SLC35F3: variants seen among roughly 807,000 people sequenced by gnomAD.
SLC35F3 encodes putative thiamine transporter SLC35F3.
SLC35F3 carries 25 observed loss-of-function variants against 49.9 expected under a neutral mutation model. The observed-to-expected ratio is 0.50, with a 90% CI of 0.37 to 0.70. The LOEUF is 0.70. Ranked by LOEUF, SLC35F3 falls within the 30% of genes least tolerant of loss-of-function variation. SLC35F3 has a pLI of 0.00. For missense variants in SLC35F3, 525 were observed against 639.8 expected (o/e 0.82, Z 1.94); for synonymous variants, 275 against 265.4 (o/e 1.04, Z -0.35).
intron 2 of SLC35F3, among the ~76,000 whole-genome samples, chr1:234,186,199 A>C (rs1666641479): frequency 1.3e-5 from 2 of 152,190 alleles, no homozygotes; most frequent in African/African-American, 4.8e-5. Context: ...TATCCCTGGC[A>C]CCTCATTTGA....
At chr1:234,069,005 A>G (rs1357726035) in intron 2 of SLC35F3, among the ~76,000 whole-genome samples, 1 of 125,104 alleles carries the variant, frequency 8.0e-6, no homozygotes, top group African/African-American at 3.2e-5. Context: ...ATAAAATTAT[A>G]TAATTTTACT....
intron 2 of SLC35F3, among the ~76,000 whole-genome samples, chr1:234,116,282 A>G (rs1475454980): frequency 1.3e-5 from 2 of 152,166 alleles, no homozygotes; most frequent in Non-Finnish European, 2.9e-5. Context: ...AAAGAGACCA[A>G]ATATTAGAAC....
Position 234,173,116 on chromosome 1 carries a change from T to G in SLC35F3, c.284-58301T>G, listed in dbSNP as rs1391658659. Among the ~76,000 whole-genome samples, 8 of 152,330 alleles carry G rather than the reference T, an allele frequency of 5.3e-5. No individual in the cohort carries two copies. The East Asian group carries it at 9.6e-4, about 18-fold the overall frequency. The stretch of plus-strand genomic sequence containing the variant: ...GTGCCCCCTTAACTAAGGGCTCTGA[T>G]AGCCAGCTGACCAAGGGGTAGAGTC... On this transcript the variant is annotated intron_variant, in intron 2 of 7. Coordinates refer to ENST00000366618, the MANE Select transcript of SLC35F3 (RefSeq NM_173508.4).
chr1:234,140,197 C>T (rs906246128), intron 2 of SLC35F3, among the ~76,000 whole-genome samples: 4 of 151,802 alleles, frequency 2.6e-5, no homozygotes, highest in African/African-American at 4.8e-5. Flanking sequence ...ACCTATGAGC[C>T]GTTTCTGGAA....
At chr1:234,145,780 T>G (rs1178644664) in intron 2 of SLC35F3, among the ~76,000 whole-genome samples, 3 of 152,216 alleles carry the variant, frequency 2.0e-5, no homozygotes, top group Non-Finnish European at 4.4e-5. Context: ...GTGATTTTGG[T>G]ATCCTCAGTG....
chr1:234,173,541 C>T (rs1382020031), intron 2 of SLC35F3, among the ~76,000 whole-genome samples: 1 of 152,194 alleles, frequency 6.6e-6, no homozygotes, highest in Non-Finnish European at 1.5e-5. Flanking sequence ...GAACTAATAA[C>T]CTCTGGGGTC....
intron 2 of SLC35F3, among the ~76,000 whole-genome samples, chr1:234,168,487 T>G (rs1666350826): frequency 6.6e-6 from 1 of 152,254 alleles, no homozygotes; most frequent in Non-Finnish European, 1.5e-5. Flanking sequence ...TAAGTGTCAT[T>G]GCTATTCTGG....
At position 234,142,841 on chromosome 1, in the gene SLC35F3, C is replaced by T. The variant is rs184230071; in HGVS notation, c.284-88576C>T. The stretch of plus-strand genomic sequence containing the variant: ...CAGGGTCACATGGCCAAATATGTAA[C>T]TCTCATTAAAAGATTGAGTTATATA... On this transcript the variant is annotated intron_variant, in intron 2 of 7. Coordinates refer to ENST00000366618, the MANE Select transcript of SLC35F3 (RefSeq NM_173508.4). 8.5e-4 allele frequency among the ~76,000 whole-genome samples: 129 copies of T among 152,242 alleles called. 1 individual carries two copies. Among genetic ancestry groups the T allele is most frequent in the African/African-American group, 3.0e-3 (126 of 41,532 alleles).
In SLC35F3 at chr1:233,922,652, T is replaced by C. The variant is rs528842811; in HGVS notation, c.283+16894T>C. On this transcript the variant is annotated intron_variant, in intron 2 of 7. Coordinates refer to ENST00000366618, the MANE Select transcript of SLC35F3 (RefSeq NM_173508.4). ...GCTGTGCAGCAACTCTTTAGTTTAA[T>C]TAGATCCCATTTGTCAATTTTGGCT... 3.3e-5 allele frequency among the ~76,000 whole-genome samples: 5 copies of C among 152,320 alleles called. No individual in the cohort carries two copies. In the East Asian group the frequency reaches 9.6e-4, roughly 29 times the overall value.
intron 3 of SLC35F3, among the ~76,000 whole-genome samples, chr1:234,265,601 A>G (rs1667967252): frequency 1.3e-5 from 2 of 151,862 alleles, no homozygotes; most frequent in Admixed American, 1.3e-4. Context: ...ATGTCCCCCC[A>G]AGACGAAGAC....
At chr1:233,978,173 A>T (rs969233723) in intron 2 of SLC35F3, among the ~76,000 whole-genome samples, 6 of 152,154 alleles carry the variant, frequency 3.9e-5, no homozygotes, top group Admixed American at 2.0e-4. Context: ...GAAGGAAAAA[A>T]AAAGGTAGTA....
At chr1:233,974,178 T>C (rs1279629261) in intron 2 of SLC35F3, among the ~76,000 whole-genome samples, 4 of 127,714 alleles carry the variant, frequency 3.1e-5, no homozygotes, top group African/African-American at 8.8e-5. Context: ...CTATTTCTTT[T>C]TTTTTTTTTT....
intron 2 of SLC35F3, among the ~76,000 whole-genome samples, chr1:234,078,743 T>G (rs1241702267): frequency 6.6e-6 from 1 of 152,256 alleles, no homozygotes; most frequent in Non-Finnish European, 1.5e-5. Flanking sequence ...TAATTTTTTT[T>G]GTAAGATGTT....
At chr1:233,984,384 C>T (rs1419706309) in intron 2 of SLC35F3, among the ~76,000 whole-genome samples, 1 of 152,204 alleles carries the variant, frequency 6.6e-6, no homozygotes, top group Non-Finnish European at 1.5e-5. Flanking sequence ...AAGCGCCAAG[C>T]AAGGAGGACC....
intron 2 of SLC35F3, among the ~76,000 whole-genome samples, chr1:234,211,900 C>A (rs191373038): frequency 1.3e-4 from 20 of 152,316 alleles, no homozygotes; most frequent in Non-Finnish European, 2.2e-4. Flanking sequence ...GCAGTGTCCC[C>A]ACCCAAATCT....
At chr1:234,098,215 G>T (rs1157601467) in intron 2 of SLC35F3, among the ~76,000 whole-genome samples, 1 of 151,558 alleles carries the variant, frequency 6.6e-6, no homozygotes, top group African/African-American at 2.4e-5. Context: ...AGATGGTGGT[G>T]GTAGTGACGG....
intron 2 of SLC35F3, among the ~76,000 whole-genome samples, chr1:233,947,740 A>C (rs546804739): frequency 6.8e-6 from 1 of 147,352 alleles, no homozygotes; most frequent in East Asian, 2.1e-4. Flanking sequence ...TCCCTGGGAC[A>C]GTAAGAGGGA....
chr1:234,276,811 G>A (rs932770317), intron 3 of SLC35F3, among the ~76,000 whole-genome samples: 3 of 152,168 alleles, frequency 2.0e-5, no homozygotes, highest in African/African-American at 4.8e-5. Context: ...GAAAAATAGC[G>A]ATTTTATTAA....
At chr1:234,125,861 G>A (rs1665639649) in intron 2 of SLC35F3, among the ~76,000 whole-genome samples, 1 of 152,030 alleles carries the variant, frequency 6.6e-6, no homozygotes, top group African/African-American at 2.4e-5. Context: ...CGGACCCCTC[G>A]TTCCCTAGTG....
Sources: allele counts gnomAD v4.1 joint callset (sites outside exome capture counted in the v4.1 genomes callset), GRCh38; gene constraint gnomAD v4.1.1; transcripts MANE v1.5; gene names NCBI Gene and HGNC (gene_info 2026-07-23, HGNC 2026-07-21).